LMNA: variants seen among roughly 807,000 people sequenced by gnomAD.
LMNA encodes lamin A/C.
A neutral mutation model predicts 70.4 loss-of-function variants in LMNA; 20 were observed. The observed-to-expected ratio is 0.28, with a 90% CI of 0.20 to 0.41. LMNA has a LOEUF of 0.41. Among genes scored for constraint, LMNA ranks in the 10% least tolerant of loss-of-function variants. The probability of loss-of-function intolerance (pLI) is 1.00; values close to 1 mark genes in which losing one functional copy is unlikely to be tolerated. For synonymous variants in LMNA, 339 were observed against 372.8 expected (o/e 0.91, Z 1.04); for missense variants, 652 against 917.2 (o/e 0.71, Z 3.73).
intron 3 of LMNA, among the ~76,000 whole-genome samples, chr1:156,092,648 C>T (rs149856554): frequency 3.3e-5 from 5 of 150,106 alleles, no homozygotes; most frequent in Middle Eastern, 3.4e-3. Flanking sequence ...CACTGCACTC[C>T]GGCTCTAGAC....
chr1:156,101,833 G>A (rs987277490), intron 3 of LMNA, among the ~76,000 whole-genome samples: 44 of 152,158 alleles, frequency 2.9e-4, no homozygotes, highest in African/African-American at 1.0e-3. Flanking sequence ...CAATTCTGGA[G>A]GTAGGAACCA....
chr1:156,127,550 G>T (rs1348218275), intron 1 of LMNA, among the ~76,000 whole-genome samples: 1 of 113,982 alleles, frequency 8.8e-6, no homozygotes, highest in Non-Finnish European at 1.6e-5. Flanking sequence ...ATGGAGTCTC[G>T]CTCTGTCACC....
At chr1:156,119,582 C>T (rs1476728168) in intron 1 of LMNA, among the ~76,000 whole-genome samples, 1 of 152,214 alleles carries the variant, frequency 6.6e-6, no homozygotes, top group African/African-American at 2.4e-5. Context: ...TTCTCTGTCT[C>T]TTTCTAGTCT....
At chr1:156,092,143 C>T (rs1202572807) in intron 3 of LMNA, among the ~76,000 whole-genome samples, 3 of 151,832 alleles carry the variant, frequency 2.0e-5, no homozygotes, top group African/African-American at 7.3e-5. Context: ...GTCTCAAACT[C>T]CTGACCTCAG....
At chr1:156,116,856 G>T (rs1336324958) in intron 1 of LMNA, among the ~76,000 whole-genome samples, 1 of 151,950 alleles carries the variant, frequency 6.6e-6, no homozygotes, top group Admixed American at 6.6e-5. Context: ...GAGCCACCAC[G>T]CTGGGCCCAT....
At chr1:156,133,144 G>A (rs113835464) in intron 2 of LMNA, among the ~76,000 whole-genome samples, 117 of 151,456 alleles carry the variant, frequency 7.7e-4, no homozygotes, top group Admixed American at 1.4e-3. Context: ...CTGGCAAGAC[G>A]TGTTCTCTCT....
chr1:156,136,908 A>G lies in LMNA; in HGVS notation c.1381-13A>G, dbSNP rs750192865. The G allele has an allele frequency of 4.0e-5, 64 of 1,611,468 alleles. 1 individual carries two copies. The highest frequency in any genetic ancestry group is 6.7e-5 in the East Asian group (3 of 44,784). On this transcript the variant is annotated splice_polypyrimidine_tract_variant and intron_variant, in intron 7 of 11. Transcript: ENST00000368300. The surrounding 1 kb of genome is among the most constrained non-coding windows in gnomAD (Gnocchi z 6.1). The stretch of plus-strand genomic sequence containing the variant: ...AGCCTCCCCGACCTTCCTCTTCCCT[A>G]TCTTCCCGGCAGGACCAGTCCATGG...
At chr1:156,122,947 T>C (rs1483097828) in intron 1 of LMNA, among the ~76,000 whole-genome samples, 2 of 151,880 alleles carry the variant, frequency 1.3e-5, no homozygotes, top group African/African-American at 4.8e-5. Flanking sequence ...CTCCCCCAAG[T>C]TGTGAGAGAG....
At chr1:156,086,393 A>ACTCTCTCTCTCT (rs55740793) in intron 2 of LMNA, among the ~76,000 whole-genome samples, 2,783 of 146,318 alleles carry the variant, frequency 0.019, 62 homozygotes, top group African/African-American at 0.05. Context: ...GTGACCTCTG[A>ACTCTCTCTCTCT]CTCTCTCTCT....
In LMNA at chr1:156,103,026, C is replaced by T. The variant is rs1003873615; in HGVS notation, c.-206-11687C>T. Among the ~76,000 whole-genome samples, 17 of 152,314 alleles carry T rather than the reference C, an allele frequency of 1.1e-4. No individual in the cohort carries two copies. Among genetic ancestry groups the T allele is most frequent in the Non-Finnish European group, 7.3e-5 (5 of 68,028 alleles). ...GAAGTCCATCCCGTGGTGCAGCTTC[C>T]GTCTCTCCCCTGGTTTCATTTCACA... On this transcript the variant is annotated intron_variant, in intron 3 of 12. Coordinates refer to the LMNA transcript ENST00000368301. The surrounding 1 kb of genome is among the most constrained non-coding windows in gnomAD (Gnocchi z 4.7).
intron 2 of LMNA, among the ~76,000 whole-genome samples, chr1:156,086,605 T>C (rs992105971): frequency 3.9e-5 from 6 of 152,164 alleles, no homozygotes; most frequent in African/African-American, 1.4e-4. Flanking sequence ...ATCCAGACTG[T>C]GTGCTTGTCT....
Position 156,138,730 on chromosome 1 carries a change from C to T in LMNA, c.1941C>T (p.Leu647=), listed in dbSNP as rs984562109. ...ACAATCTGGTCACCCGCTCCTACCT[C>T]CTGGGCAACTCCAGCCCCCGAACCC... ...FGDNLVTRSY[L]LGNSSPRTQS... is the part of the protein sequence containing the mutation. The change falls in exon 11 of 12, where the codon CTC becomes CTT. Residue 647 remains leucine (L), a synonymous_variant. Coordinates refer to ENST00000368300, the MANE Select transcript of LMNA (RefSeq NM_170707.4). This position sits in a 1 kb window ranked among gnomAD's most constrained non-coding sequence, Gnocchi z 5.5. 8.7e-6 allele frequency: 14 copies of T among 1,613,576 alleles called. No homozygotes were observed. Among genetic ancestry groups the T allele is most frequent in the Non-Finnish European group, 1.2e-5 (14 of 1,180,024 alleles).
chr1:156,132,843 T>C (rs1651196143), intron 2 of LMNA, among the ~76,000 whole-genome samples: 1 of 148,214 alleles, frequency 6.7e-6, no homozygotes, highest in African/African-American at 2.5e-5. Context: ...CTCTCTTTTT[T>C]TTTTTTTTTT....
chr1:156,106,094 C>T (rs1649325410), intron 3 of LMNA, among the ~76,000 whole-genome samples: 1 of 151,314 alleles, frequency 6.6e-6, no homozygotes, highest in Admixed American at 6.6e-5. Context: ...GAGATCGCGC[C>T]ACTACACTCC....
At position 156,118,082 on chromosome 1, in the gene LMNA, C is replaced by T. The variant is rs769729858; in HGVS notation, c.356+2808C>T. 2.6e-4 allele frequency among the ~76,000 whole-genome samples: 39 copies of T among 151,530 alleles called. 1 individual carries two copies. Among genetic ancestry groups the T allele is most frequent in the Admixed American group, 1.1e-3 (16 of 15,172 alleles). On this transcript the variant is annotated intron_variant, in intron 1 of 11. Transcript: ENST00000368300. ...CAAGCAATCCTCCTGCCTCGGCCTC[C>T]GGAAGCACTGGGATTACAGGCATAA...
chr1:156,104,011 C>A (rs551242780), intron 3 of LMNA, among the ~76,000 whole-genome samples: 1 of 152,214 alleles, frequency 6.6e-6, no homozygotes, highest in African/African-American at 2.4e-5. Flanking sequence ...TTGGCTCCCC[C>A]CTTCACAGCC....
rs372146656 is a variant in LMNA, at chr1:156,134,366, T to C, written c.514-37T>C. 6.1e-5 allele frequency: 99 copies of C among 1,612,454 alleles called. No individual in the cohort carries two copies. The highest frequency in any genetic ancestry group is 7.9e-5 in the Non-Finnish European group (93 of 1,179,326). On this transcript the variant is annotated intron_variant, in intron 2 of 11. Transcript: ENST00000368300. The surrounding 1 kb of genome is among the most constrained non-coding windows in gnomAD (Gnocchi z 5.3). The stretch of plus-strand genomic sequence containing the variant: ...GCTTCCTTCCAGTTCTTGTGTTCTG[T>C]GACCCCTTTTCCTCATCTCTGCCTG...
chr1:156,133,630 T>C (rs1267453071), intron 2 of LMNA, among the ~76,000 whole-genome samples: 1 of 151,882 alleles, frequency 6.6e-6, no homozygotes, highest in African/African-American at 2.4e-5. Context: ...TGCTCAAACA[T>C]CCTCAGGTTC....
intron 3 of LMNA, among the ~76,000 whole-genome samples, chr1:156,094,926 AT>A (rs1201138306): frequency 0.021 from 2,742 of 127,652 alleles, 80 homozygotes; most frequent in African/African-American, 0.072. Flanking sequence ...CAACCAGCTA[AT>A]TTTTTTTTTT....
Sources: gnomAD v4.1 joint callset for allele counts (sites outside exome capture counted in the v4.1 genomes callset) on GRCh38, gnomAD v4.1.1 for gene constraint, Gnocchi (gnomAD v3.1) non-coding constraint, MANE v1.5 for transcripts, NCBI Gene and HGNC (gene_info 2026-07-23, HGNC 2026-07-21) for gene names.